Variants in GLB1L2 observed in about 807,000 individuals in gnomAD.
GLB1L2 encodes galactosidase beta 1 like 2.
GLB1L2 carries 68 observed loss-of-function variants against 84.1 expected under a neutral mutation model. That is an observed-to-expected ratio of 0.81 (90% CI 0.67 to 0.99). The LOEUF (loss-of-function observed/expected upper bound fraction) is 0.99, where lower values mean the gene tolerates loss of function less well. Among genes scored for constraint, GLB1L2 ranks in the 50% least tolerant of loss-of-function variants. GLB1L2 has a pLI of 0.00. For synonymous variants in GLB1L2, 290 were observed against 318.0 expected (o/e 0.91, Z 0.94); for missense variants, 762 against 805.6 (o/e 0.95, Z 0.66).
Position 134,364,661 on chromosome 11 carries a change from C to G in GLB1L2, c.804+263C>G, listed in dbSNP as rs1451668991. On this transcript the variant is annotated intron_variant, in intron 8 of 18. Coordinates refer to ENST00000535456, the MANE Select transcript of GLB1L2 (RefSeq NM_001370461.1). ...CCTTTTGGTGCACTCCTAGAGGACT[C>G]GACTTTTGTGGCCTCAACTAGCTCC... is the stretch of plus-strand genomic sequence containing the variant. The G allele has an allele frequency of 4.1e-5, 17 of 418,246 alleles. No individual in the cohort carries two copies. The Admixed American group carries it at 6.2e-4, about 15-fold the overall frequency. The allele number at this position is 418,246 out of a possible 1,614,324, so 25.9% of individuals were successfully genotyped here. A position where few individuals can be genotyped will look rare whatever the true frequency, so the allele number is the denominator to read the frequency against.
intron 6 of GLB1L2, among the ~76,000 whole-genome samples, chr11:134,358,269 G>A (rs1454326171): frequency 4.6e-5 from 7 of 152,240 alleles, no homozygotes; most frequent in Non-Finnish European, 8.8e-5. Flanking sequence ...TTTGGCTCTG[G>A]GTTCAGGCCC....
chr11:134,351,345 CTTTTTTTTT>C (rs367790049), intron 5 of GLB1L2, among the ~76,000 whole-genome samples: 1 of 129,136 alleles, frequency 7.7e-6, no homozygotes, highest in Non-Finnish European at 1.6e-5. Flanking sequence ...CTTTTTCTTT[CTTTTTTTTT>C]TTTTTTTTGA....
intron 15 of GLB1L2, 32 bp from the exon 16 acceptor site, chr11:134,373,689 G>A (rs1943987336): frequency 1.4e-6 from 2 of 1,477,698 alleles, no homozygotes; most frequent in African/African-American, 1.4e-5. Context: ...CCTGCCTTTG[G>A]GCTACCCACG....
intron 15 of GLB1L2, 123 bp downstream of exon 15, chr11:134,371,953 G>A (rs1204795037): frequency 4.5e-6 from 4 of 897,048 alleles, no homozygotes; most frequent in Non-Finnish European, 7.1e-6. Flanking sequence ...AGGCTGGGTT[G>A]TCCCATACAT....
At chr11:134,349,180 C>G (rs1294195309) in intron 5 of GLB1L2, among the ~76,000 whole-genome samples, 3 of 152,164 alleles carry the variant, frequency 2.0e-5, no homozygotes, top group Non-Finnish European at 1.5e-5. Flanking sequence ...TTTTAGCTAC[C>G]AAATATAAGT....
Position 134,367,636 on chromosome 11 carries a change from G to A in GLB1L2, c.889+295G>A, listed in dbSNP as rs769693264. On this transcript the variant is annotated intron_variant, in intron 9 of 18. Transcript: ENST00000535456. Reference sequence around the variant, plus strand: ...GAAGAAATAAAATTCCCAGAGCACAGAGAAAACACTTAGCTGTTTACCACG... The same window carrying A: ...GAAGAAATAAAATTCCCAGAGCACAAAGAAAACACTTAGCTGTTTACCACG... Among the ~76,000 whole-genome samples, 3 of 152,330 alleles carry A rather than the reference G, an allele frequency of 2.0e-5. No individual in the cohort carries two copies. The South Asian group carries it at 6.2e-4, about 32-fold the overall frequency.
chr11:134,334,438 G>T lies in GLB1L2; in HGVS notation c.86+2291G>T, dbSNP rs1943350652. ...GGATGACCAGGTTGACTTTTGGGGA[G>T]GATTTCAGTCTTAGAATTTTTATTT... On this transcript the variant is annotated intron_variant, in intron 1 of 18. Coordinates refer to ENST00000535456, the MANE Select transcript of GLB1L2 (RefSeq NM_001370461.1). This position sits in a 1 kb window ranked among gnomAD's most constrained non-coding sequence, Gnocchi z 4.1. Among the ~76,000 whole-genome samples, 1 of 152,048 alleles carries T rather than the reference G, an allele frequency of 6.6e-6. No homozygotes were observed. The highest frequency in any genetic ancestry group is 6.6e-5 in the Admixed American group (1 of 15,266).
At chr11:134,361,998 C>A (rs1238471537) in intron 7 of GLB1L2, among the ~76,000 whole-genome samples, 1 of 152,204 alleles carries the variant, frequency 6.6e-6, no homozygotes, top group Non-Finnish European at 1.5e-5. Context: ...TTACGCTCAC[C>A]ATGGTGGGCC....
Position 134,373,729 on chromosome 11 carries a change from G to A in GLB1L2, c.1516G>A (p.Gly506Arg). The A allele has an allele frequency of 2.5e-6, 4 of 1,610,366 alleles. No individual in the cohort carries two copies. Among genetic ancestry groups the A allele is most frequent in the Non-Finnish European group, 3.4e-6 (4 of 1,177,052 alleles). Residue 506 changes from glycine to arginine, a missense_variant, in exon 16 of 19, where the codon GGA becomes AGA. Coordinates refer to ENST00000535456, the MANE Select transcript of GLB1L2 (RefSeq NM_001370461.1). ...CTGCCTCCCTCCCACAGGCTTAATT[G>A]GAAATCTCTATCTGAATGATTCACC... is the stretch of plus-strand genomic sequence containing the variant. ...NIDDQRKGLI[G>R]NLYLNDSPLK... is the part of the protein sequence containing the mutation.
intron 2 of GLB1L2, 140 bp downstream of exon 2, chr11:134,343,091 A>C: frequency 1.2e-6 from 1 of 815,066 alleles, no homozygotes; most frequent in Non-Finnish European, 1.9e-6. Context: ...CCTCCCCACC[A>C]CAGAGCTCCT....
At chr11:134,335,229 C>CT (rs11403985) in intron 1 of GLB1L2, among the ~76,000 whole-genome samples, 43,132 of 148,734 alleles carry the variant, frequency 0.29, 6,586 homozygotes, top group African/African-American at 0.34. Flanking sequence ...ATGCAGGTCA[C>CT]TTTTTTTTTT....
intron 5 of GLB1L2, 57 bp downstream of exon 5, chr11:134,347,490 C>T (rs971589953): frequency 8.0e-7 from 1 of 1,246,352 alleles, no homozygotes; most frequent in Non-Finnish European, 1.2e-6. Flanking sequence ...GGTCGTGGAT[C>T]ATCCTTGGTT....
intron 15 of GLB1L2, chr11:134,372,544 C>T (rs984267194): frequency 2.0e-5 from 3 of 152,152 alleles, no homozygotes; most frequent in Middle Eastern, 3.4e-3. Context: ...GCCACCGTGC[C>T]CAAATTTAGC....
chr11:134,335,836 G>A (rs576277644), intron 1 of GLB1L2, among the ~76,000 whole-genome samples: 13 of 152,276 alleles, frequency 8.5e-5, no homozygotes, highest in African/African-American at 2.6e-4. Context: ...TGTAGCTTGC[G>A]GAGAAAGGTT....
chr11:134,342,746 C>T lies in GLB1L2; in HGVS notation c.87-8C>T. On this transcript the variant is annotated splice_polypyrimidine_tract_variant and splice_region_variant and intron_variant, in intron 1 of 18. Coordinates refer to ENST00000535456, the MANE Select transcript of GLB1L2 (RefSeq NM_001370461.1). ...CCTCCAGGCTCCAGAATGTCTTTGTCTTTCCAGGCTGGACTGGAGCACCCT... is the reference window on the plus strand; with the variant it reads ...CCTCCAGGCTCCAGAATGTCTTTGTTTTTCCAGGCTGGACTGGAGCACCCT... 1.2e-6 allele frequency: 2 copies of T among 1,612,182 alleles called. No homozygotes were observed. Among genetic ancestry groups the T allele is most frequent in the Non-Finnish European group, 1.7e-6 (2 of 1,179,200 alleles).
At chr11:134,366,015 T>C (rs886846415) in intron 8 of GLB1L2, among the ~76,000 whole-genome samples, 1 of 152,238 alleles carries the variant, frequency 6.6e-6, no homozygotes, top group African/African-American at 2.4e-5. Flanking sequence ...AGGAGACAGC[T>C]ATAGAGTGTA....
Position 134,371,803 on chromosome 11 carries a change from G to A in GLB1L2, c.1480G>A (p.Gly494Arg), listed in dbSNP as rs1275242635. The A allele has an allele frequency of 4.3e-6, 7 of 1,614,048 alleles. No individual in the cohort carries two copies. Among genetic ancestry groups the A allele is most frequent in the Non-Finnish European group, 5.9e-6 (7 of 1,180,030 alleles). ...GGAGAATCGTGGGCGAGTCAACTAT[G>A]GGGAGAATATTGATGACCAGCGCAA... ...LVENRGRVNY[G>R]ENIDDQRKGL... The change falls in exon 15 of 19, where the codon GGG becomes AGG. Residue 494 changes from glycine (G) to arginine (R), a missense_variant. Gly to Arg is a moderately radical substitution (Grantham distance 125). Around this residue, in one of 3 missense-constraint regions of GLB1L2, gnomAD observed 603 missense variants for 611.7 expected, o/e 0.99. Transcript: ENST00000535456.
At chr11:134,358,533 G>A (rs555843768) in intron 6 of GLB1L2, among the ~76,000 whole-genome samples, 4 of 152,390 alleles carry the variant, frequency 2.6e-5, no homozygotes, top group African/African-American at 9.6e-5. Context: ...TGCTGTTCTG[G>A]GCATGGGCAG....
chr11:134,341,633 C>T (rs1465687214), intron 1 of GLB1L2, among the ~76,000 whole-genome samples: 1 of 152,198 alleles, frequency 6.6e-6, no homozygotes, highest in Non-Finnish European at 1.5e-5. Context: ...CCTGGAGCTT[C>T]GGTGTGAGTT....
Sources: allele counts gnomAD v4.1 joint callset (sites outside exome capture counted in the v4.1 genomes callset), GRCh38; gene constraint gnomAD v4.1.1; regional missense constraint gnomAD v4.1.1; non-coding constraint Gnocchi (gnomAD v3.1); transcripts MANE v1.5; gene names NCBI Gene and HGNC (gene_info 2026-07-23, HGNC 2026-07-21).